TENM4: variants seen among roughly 807,000 people sequenced by gnomAD.
The protein encoded by TENM4 is teneurin-4.
Under a neutral mutation model 243.3 loss-of-function variants are expected in TENM4, and 82 were observed. The ratio of observed to expected loss-of-function variants is 0.34; its 90% CI spans 0.28 to 0.40. The LOEUF (loss-of-function observed/expected upper bound fraction) is 0.40. Ranked by LOEUF, TENM4 falls within the 10% of genes least tolerant of loss-of-function variation. The probability of loss-of-function intolerance (pLI) is 1.00; values close to 1 mark genes in which losing one functional copy is unlikely to be tolerated. For missense variants in TENM4, 3,138 were observed against 3,673.3 expected (o/e 0.85, Z 3.77); for synonymous variants, 1,412 against 1,456.3 (o/e 0.97, Z 0.69).
chr11:78,976,919 C>T (rs917606998), intron 6 of TENM4, among the ~76,000 whole-genome samples: 4 of 152,234 alleles, frequency 2.6e-5, no homozygotes, highest in African/African-American at 7.2e-5. Flanking sequence ...GCACTTGCCA[C>T]GTGCTTTCCA....
At chr11:78,992,294 C>T (rs1858065293) in intron 6 of TENM4, among the ~76,000 whole-genome samples, 1 of 152,194 alleles carries the variant, frequency 6.6e-6, no homozygotes, top group Admixed American at 6.5e-5. Context: ...ATACTTTGTC[C>T]AGTTCTCATA....
intron 1 of TENM4, among the ~76,000 whole-genome samples, chr11:79,378,022 A>G (rs886098611): frequency 6.6e-6 from 1 of 152,196 alleles, no homozygotes; most frequent in African/African-American, 2.4e-5. Context: ...CTCTCATTTC[A>G]TCATCTTTAC....
chr11:79,322,741 T>C (rs1856912181), intron 1 of TENM4, among the ~76,000 whole-genome samples: 1 of 152,218 alleles, frequency 6.6e-6, no homozygotes, highest in Non-Finnish European at 1.5e-5. Context: ...GTATATTCCC[T>C]AGAAGTCTAC....
At chr11:79,405,025 A>T (rs1433099081) in intron 1 of TENM4, among the ~76,000 whole-genome samples, 1 of 151,990 alleles carries the variant, frequency 6.6e-6, no homozygotes, top group East Asian at 1.9e-4. Context: ...GACTTATGTC[A>T]CTCTGCATGC....
intron 9 of TENM4, among the ~76,000 whole-genome samples, chr11:78,873,394 T>G (rs1026512870): frequency 2.0e-5 from 3 of 152,352 alleles, no homozygotes; most frequent in South Asian, 4.1e-4. Context: ...ACAGTATCAT[T>G]TAATCCTCAC....
chr11:79,424,348 G>T lies in TENM4; in HGVS notation c.-321+16161C>A, dbSNP rs941030648. 7.9e-5 allele frequency among the ~76,000 whole-genome samples: 12 copies of T among 152,302 alleles called. 1 individual carries two copies. The highest frequency in any genetic ancestry group is 3.9e-4 in the Admixed American group (6 of 15,298). On this transcript the variant is annotated intron_variant, in intron 1 of 33. Transcript: ENST00000278550. Reference sequence around the variant, plus strand: ...AGGTGCAGTAGCTCACACCTACAATGCCAGCACTTTGGGAAGGCTGAGATA... The same window carrying T: ...AGGTGCAGTAGCTCACACCTACAATTCCAGCACTTTGGGAAGGCTGAGATA...
Position 78,778,074 on chromosome 11 carries a change from T to G in TENM4, c.2392+528A>C, listed in dbSNP as rs1856771238. Among the ~76,000 whole-genome samples the G allele has an allele frequency of 2.0e-5, 3 of 152,206 alleles. No individual in the cohort carries two copies. In the South Asian group the frequency reaches 6.2e-4, roughly 32 times the overall value. ...CTCCCTGAGGTCAGGGATCTGTTTG[T>G]CCCCTTGTCTCCAGACCCTGGCGCA... On this transcript the variant is annotated intron_variant, in intron 17 of 33. Coordinates refer to ENST00000278550, the MANE Select transcript of TENM4 (RefSeq NM_001098816.3).
rs59381117 is a variant in TENM4, at chr11:79,057,440, C to G, written c.493+7298G>C. 4.4e-3 allele frequency among the ~76,000 whole-genome samples: 673 copies of G among 152,284 alleles called. 8 individuals are homozygous for G. The highest frequency in any genetic ancestry group is 0.015 in the African/African-American group (642 of 41,538). On this transcript the variant is annotated intron_variant, in intron 6 of 33. Transcript: ENST00000278550. ...TCCTCACAGCCTGCTCCCTCACCTA[C>G]CGCAAGGCTATGTTCAAATGTCACC...
chr11:78,818,044 G>T (rs1857646293), intron 12 of TENM4, among the ~76,000 whole-genome samples: 1 of 152,030 alleles, frequency 6.6e-6, no homozygotes, highest in Non-Finnish European at 1.5e-5. Context: ...GATAGAAATT[G>T]AGTTTACTCA....
chr11:78,863,030 A>G lies in TENM4; in HGVS notation c.1187T>C (p.Val396Ala), dbSNP rs1344198560. ...TASSWPVPTDVSLYPSGGTGL... is the reference protein window; with the variant it reads ...TASSWPVPTDASLYPSGGTGL... Reference sequence around the variant, plus strand: ...AGTGCCCCCTGAGGGGTATAGGGAGACGTCGGTTGGCACAGGCCAACTGCT... The same window carrying G: ...AGTGCCCCCTGAGGGGTATAGGGAGGCGTCGGTTGGCACAGGCCAACTGCT... Residue 396 changes from valine (V) to alanine (A), a missense_variant, in exon 10 of 34, where the codon GTC becomes GCC. Around this residue, in one of 2 missense-constraint regions of TENM4, gnomAD observed 671 missense variants for 614.1 expected, o/e 1.09. Coordinates refer to ENST00000278550, the MANE Select transcript of TENM4 (RefSeq NM_001098816.3). The G allele has an allele frequency of 1.3e-6, 2 of 1,535,466 alleles. No individual in the cohort carries two copies. The highest frequency in any genetic ancestry group is 1.2e-5 in the South Asian group (1 of 82,734).
intron 1 of TENM4, among the ~76,000 whole-genome samples, chr11:79,396,522 C>T (rs1858348649): frequency 6.6e-6 from 1 of 152,190 alleles, no homozygotes; most frequent in Non-Finnish European, 1.5e-5. Context: ...GTCACTTCTG[C>T]CTTCCTGGCT....
In TENM4 at chr11:78,893,197, G is replaced by A. The variant is rs80172221; in HGVS notation, c.750-1861C>T. Among the ~76,000 whole-genome samples the A allele has an allele frequency of 5.9e-3, 895 of 152,300 alleles. 7 individuals carry two copies. The highest frequency in any genetic ancestry group is 8.1e-3 in the Non-Finnish European group (554 of 68,034). ...GCCTGGGAGGAGCTTCAGAGGTGTGGACATCCCTCAGAGTGGCTCTATTTC... is the reference window on the plus strand; with the variant it reads ...GCCTGGGAGGAGCTTCAGAGGTGTGAACATCCCTCAGAGTGGCTCTATTTC... On this transcript the variant is annotated intron_variant, in intron 7 of 33. Transcript: ENST00000278550.
chr11:79,178,515 G>A (rs190363012), intron 3 of TENM4, among the ~76,000 whole-genome samples: 281 of 151,896 alleles, frequency 1.8e-3, no homozygotes, highest in African/African-American at 6.4e-3. Flanking sequence ...GGCAGAACCA[G>A]GGGAGAGCAG....
intron 2 of TENM4, among the ~76,000 whole-genome samples, chr11:79,216,944 A>G (rs1482098125): frequency 1.3e-5 from 2 of 152,168 alleles, no homozygotes; most frequent in Non-Finnish European, 2.9e-5. Context: ...GTCCTTACGC[A>G]GAAGAGTCCT....
intron 9 of TENM4, among the ~76,000 whole-genome samples, chr11:78,880,628 C>T (rs1048633358): frequency 6.6e-6 from 1 of 151,994 alleles, no homozygotes; most frequent in African/African-American, 2.4e-5. Context: ...TGACACATTC[C>T]CAAACTCAGA....
intron 1 of TENM4, among the ~76,000 whole-genome samples, chr11:79,331,405 T>C (rs962714432): frequency 6.6e-6 from 1 of 152,124 alleles, no homozygotes; most frequent in African/African-American, 2.4e-5. Flanking sequence ...TGTTGCCTTA[T>C]CTGTAAAACA....
At chr11:78,854,464 T>A in intron 11 of TENM4, 150 bp from the exon 12 acceptor site, 1 of 582,246 alleles carries the variant, frequency 1.7e-6, no homozygotes, top group Non-Finnish European at 2.6e-6. Context: ...GGTTGATCAA[T>A]CAACTCAACT....
intron 4 of TENM4, among the ~76,000 whole-genome samples, chr11:79,111,380 C>A (rs1158857846): frequency 3.3e-5 from 5 of 152,088 alleles, no homozygotes; most frequent in Non-Finnish European, 7.4e-5. Flanking sequence ...CGCATCTCTA[C>A]TAAAAATACA....
At chr11:79,338,463 C>T (rs191692526) in intron 1 of TENM4, among the ~76,000 whole-genome samples, 1 of 152,342 alleles carries the variant, frequency 6.6e-6, no homozygotes, top group Admixed American at 6.5e-5. Flanking sequence ...TTGGAATTAC[C>T]TCCTCAGCAC....
Sources: gnomAD v4.1 joint callset for allele counts (sites outside exome capture counted in the v4.1 genomes callset) on GRCh38, gnomAD v4.1.1 for gene constraint, gnomAD v4.1.1 regional missense constraint, MANE v1.5 for transcripts, NCBI Gene and HGNC (gene_info 2026-07-23, HGNC 2026-07-21) for gene names.